OXR1: variants seen among roughly 807,000 people sequenced by gnomAD.
OXR1 encodes the protein oxidation resistance 1.
Under a neutral mutation model 104.6 loss-of-function variants are expected in OXR1, and 41 were observed. That is an observed-to-expected ratio of 0.39 (90% CI 0.31 to 0.51). The LOEUF is 0.51. Ranked by LOEUF, OXR1 falls within the 20% of genes least tolerant of loss-of-function variation. The pLI, the probability that OXR1 is intolerant of heterozygous loss-of-function variation, is 0.77. For missense variants in OXR1, 955 were observed against 1,031.9 expected (o/e 0.93, Z 1.02); for synonymous variants, 348 against 348.4 (o/e 1.00, Z 0.01).
At chr8:106,691,619 C>CATATATATATAT (rs35095319) in intron 6 of OXR1, among the ~76,000 whole-genome samples, 11 of 140,978 alleles carry the variant, frequency 7.8e-5, no homozygotes, top group South Asian at 4.5e-4. Context: ...CATATATATA[C>CATATATATATAT]ATATATATAT....
intron 2 of OXR1, among the ~76,000 whole-genome samples, chr8:106,516,525 T>A (rs1005177340): frequency 5.9e-5 from 9 of 152,142 alleles, no homozygotes; most frequent in African/African-American, 2.2e-4. Context: ...AGTAGGGCGC[T>A]GGATAGGGAG....
At chr8:106,690,648 T>A (rs532961084) in intron 6 of OXR1, among the ~76,000 whole-genome samples, 4 of 151,832 alleles carry the variant, frequency 2.6e-5, no homozygotes, top group African/African-American at 9.6e-5. Context: ...GATCCCGATA[T>A]TTTAATTTTA....
At chr8:106,483,262 G>T (rs1190447385) in intron 2 of OXR1, among the ~76,000 whole-genome samples, 1 of 152,020 alleles carries the variant, frequency 6.6e-6, no homozygotes, top group East Asian at 1.9e-4. Flanking sequence ...AAGACAAAAT[G>T]GCAACTTTGT....
intron 1 of OXR1, among the ~76,000 whole-genome samples, chr8:106,311,047 T>C (rs1215191883): frequency 2.6e-5 from 4 of 152,138 alleles, no homozygotes; most frequent in Admixed American, 6.5e-5. Flanking sequence ...TCCTACAATA[T>C]GTGTATTGGA....
chr8:106,558,331 T>C lies in OXR1; in HGVS notation c.220+39192T>C, dbSNP rs78869625. On this transcript the variant is annotated intron_variant, in intron 3 of 16. Coordinates refer to ENST00000517566, the MANE Select transcript of OXR1 (RefSeq NM_001198533.2). ...TTATCAAACTCAGAATTCTATGAGC[T>C]GGCAATTCCAAAGCCACTGCCCTGG... Among the ~76,000 whole-genome samples the C allele has an allele frequency of 1.5e-3, 224 of 152,312 alleles. 1 individual carries two copies. The East Asian group carries it at 0.031, about 21-fold the overall frequency.
At chr8:106,314,575 G>C (rs1014477142) in intron 1 of OXR1, among the ~76,000 whole-genome samples, 1 of 152,146 alleles carries the variant, frequency 6.6e-6, no homozygotes, top group Non-Finnish European at 1.5e-5. Context: ...GAATCATCCA[G>C]ATTTACTCTA....
chr8:106,324,660 C>A (rs9774587), intron 1 of OXR1, among the ~76,000 whole-genome samples: 51,503 of 151,656 alleles, frequency 0.34, 11,250 homozygotes, highest in African/African-American at 0.63. Context: ...TGCCCTCCAT[C>A]GTCATCAACC....
intron 3 of OXR1, among the ~76,000 whole-genome samples, chr8:106,596,450 AAAAC>A (rs1245356339): frequency 2.0e-5 from 3 of 151,858 alleles, no homozygotes; most frequent in South Asian, 2.1e-4. Context: ...CTGTCTCAAA[AAAAC>A]AAACAAACTT....
chr8:106,691,997 A>ACG (rs1829346753), intron 6 of OXR1, among the ~76,000 whole-genome samples: 1 of 150,744 alleles, frequency 6.6e-6, no homozygotes, highest in African/African-American at 2.4e-5. Flanking sequence ...ACACACACAC[A>ACG]CACACACATA....
chr8:106,714,906 G>T (rs548497028), intron 11 of OXR1, among the ~76,000 whole-genome samples: 1 of 152,102 alleles, frequency 6.6e-6, no homozygotes, highest in South Asian at 2.1e-4. Context: ...TGTGTCTAAT[G>T]TCATTCTGTG....
intron 11 of OXR1, among the ~76,000 whole-genome samples, chr8:106,733,025 G>T (rs974826069): frequency 6.6e-6 from 1 of 152,036 alleles, no homozygotes; most frequent in Non-Finnish European, 1.5e-5. Flanking sequence ...GTTTTAGGAG[G>T]TTATTAATTA....
At chr8:106,423,265 A>G (rs1308417217) in intron 2 of OXR1, among the ~76,000 whole-genome samples, 1 of 152,204 alleles carries the variant, frequency 6.6e-6, no homozygotes, top group Non-Finnish European at 1.5e-5. Context: ...TCAAAACTAT[A>G]TAGATTATCT....
intron 3 of OXR1, among the ~76,000 whole-genome samples, chr8:106,669,827 C>T (rs1343268974): frequency 6.6e-6 from 1 of 152,098 alleles, no homozygotes; most frequent in Non-Finnish European, 1.5e-5. Flanking sequence ...AGGTTTTATA[C>T]TGCTCTGTTA....
At position 106,299,925 on chromosome 8, in the gene OXR1, G is replaced by A. The variant is rs747772690; in HGVS notation, c.-139+29558G>A. Among the ~76,000 whole-genome samples the A allele has an allele frequency of 2.6e-5, 4 of 152,204 alleles. No individual in the cohort carries two copies. In the East Asian group the frequency reaches 5.8e-4, roughly 22 times the overall value. On this transcript the variant is annotated intron_variant, in intron 1 of 16. Coordinates refer to ENST00000517566, the MANE Select transcript of OXR1 (RefSeq NM_001198533.2). Reference sequence around the variant, plus strand: ...GACACGTTGTAGAAAATTTCACAGAGTGCTTGGGACCATAGTTACAGAGAA... The same window carrying A: ...GACACGTTGTAGAAAATTTCACAGAATGCTTGGGACCATAGTTACAGAGAA...
At chr8:106,692,945 G>A (rs934672286) in intron 7 of OXR1, 68 bp downstream of exon 7, 148 of 1,136,766 alleles carry the variant, frequency 1.3e-4, no homozygotes, top group Non-Finnish European at 8.8e-5. Context: ...TGATAGTTTG[G>A]CATTTACATT....
At chr8:106,370,388 ATTTC>A (rs1816653944) in intron 2 of OXR1, among the ~76,000 whole-genome samples, 1 of 152,030 alleles carries the variant, frequency 6.6e-6, no homozygotes, top group South Asian at 2.1e-4. Context: ...AATAGCCTTT[ATTTC>A]TTTCTCTTGC....
At chr8:106,328,386 A>G (rs1215619835) in intron 1 of OXR1, among the ~76,000 whole-genome samples, 1 of 152,234 alleles carries the variant, frequency 6.6e-6, no homozygotes. Flanking sequence ...AGTGTGGGTT[A>G]GTTTCATTTG....
At chr8:106,730,294 T>G (rs1002607083) in intron 11 of OXR1, among the ~76,000 whole-genome samples, 1 of 152,158 alleles carries the variant, frequency 6.6e-6, no homozygotes, top group Non-Finnish European at 1.5e-5. Context: ...TTGTATATTC[T>G]GTGGGTTTTG....
chr8:106,691,787 C>T (rs1356608711), intron 6 of OXR1, among the ~76,000 whole-genome samples: 1 of 150,578 alleles, frequency 6.6e-6, no homozygotes, highest in African/African-American at 2.4e-5. Context: ...TTTTTCTTAG[C>T]ATATTTTTGA....
Sources: gnomAD v4.1 joint callset for allele counts (sites outside exome capture counted in the v4.1 genomes callset) on GRCh38, gnomAD v4.1.1 for gene constraint, MANE v1.5 for transcripts, NCBI Gene and HGNC (gene_info 2026-07-23, HGNC 2026-07-21) for gene names.